Variants in NXPE2 observed in about 807,000 individuals in gnomAD.
NXPE2 encodes the protein neurexophilin and PC-esterase domain family member 2.
Under a neutral mutation model 34.4 loss-of-function variants are expected in NXPE2, and 34 were observed. The observed-to-expected ratio is 0.99, with a 90% CI of 0.75 to 1.31. The LOEUF is 1.31. Among genes scored for constraint, NXPE2 ranks in the 40% most tolerant of loss-of-function variants. The pLI is 0.00. For synonymous variants in NXPE2, 235 were observed against 231.3 expected, an observed-to-expected ratio of 1.02 and a Z score of -0.15; for missense variants, 649 against 672.5, an observed-to-expected ratio of 0.97 and a Z score of 0.39.
intron 4 of NXPE2, among the ~76,000 whole-genome samples, chr11:114,704,866 A>G (rs1451775182): frequency 2.6e-5 from 4 of 152,238 alleles, no homozygotes; most frequent in Non-Finnish European, 5.9e-5. Context: ...TCTTGAGGCA[A>G]TTTGAATGTT....
the NXPE2 span, among the ~76,000 whole-genome samples, chr11:114,602,636 C>T: frequency 3.1e-4 from 43 of 140,366 alleles, no homozygotes; most frequent in Middle Eastern, 0.023. Flanking sequence ...ATTATAGATT[C>T]ATATATAATA....
intron 3 of NXPE2, among the ~76,000 whole-genome samples, chr11:114,699,960 A>G (rs753234518): frequency 6.6e-6 from 1 of 151,968 alleles, no homozygotes; most frequent in Non-Finnish European, 1.5e-5. Flanking sequence ...CACCTGGCTA[A>G]TTTTTGTATC....
At chr11:114,669,815 T>C in the NXPE2 span, among the ~76,000 whole-genome samples, 13 of 152,216 alleles carry the variant, frequency 8.5e-5, no homozygotes, top group Non-Finnish European at 1.5e-4. Context: ...ATAATGGAGA[T>C]ATTGGTTGTA....
At chr11:114,681,651 AT>A (rs922068862) in intron 2 of NXPE2, among the ~76,000 whole-genome samples, 5 of 151,982 alleles carry the variant, frequency 3.3e-5, no homozygotes, top group African/African-American at 1.2e-4. Flanking sequence ...ACTCTGTTTG[AT>A]TTTTTTAACA....
the NXPE2 span, among the ~76,000 whole-genome samples, chr11:114,559,483 C>T: frequency 2.3e-4 from 35 of 152,304 alleles, no homozygotes; most frequent in African/African-American, 6.3e-4. Context: ...GTGACTGTAT[C>T]CATGCTTGCT....
At chr11:114,681,870 TTAG>T (rs966597592) in intron 2 of NXPE2, among the ~76,000 whole-genome samples, 1 of 152,166 alleles carries the variant, frequency 6.6e-6, no homozygotes, top group Non-Finnish European at 1.5e-5. Flanking sequence ...AGGGAACCTA[TTAG>T]TAATATCTTA....
the NXPE2 span, among the ~76,000 whole-genome samples, chr11:114,737,340 G>A: frequency 1.3e-5 from 2 of 152,122 alleles, no homozygotes; most frequent in African/African-American, 4.8e-5. Context: ...CAGAGATTGG[G>A]GTAGAGATGG....
chr11:114,528,992 C>T, the NXPE2 span: 1 of 417,740 alleles, frequency 2.4e-6, no homozygotes, highest in Middle Eastern at 6.2e-4. Flanking sequence ...GAGCCAGGGA[C>T]TATAGATCAG....
At chr11:114,733,038 CTGTT>C in the NXPE2 span, among the ~76,000 whole-genome samples, 2 of 151,878 alleles carry the variant, frequency 1.3e-5, no homozygotes, top group Non-Finnish European at 2.9e-5. Flanking sequence ...TTTTAGTATT[CTGTT>C]TGTTGAATTC....
At chr11:114,715,397 TA>T in the NXPE2 span, among the ~76,000 whole-genome samples, 749 of 152,346 alleles carry the variant, frequency 4.9e-3, 4 homozygotes, top group African/African-American at 0.018. Flanking sequence ...TCTTTATATT[TA>T]AAAAGTTATT....
the NXPE2 span, among the ~76,000 whole-genome samples, chr11:114,811,380 T>A: frequency 6.6e-6 from 1 of 151,894 alleles, no homozygotes; most frequent in Admixed American, 6.6e-5. Flanking sequence ...AGAAATGGCT[T>A]TAAAGACCAC....
chr11:114,642,068 A>G, the NXPE2 span, among the ~76,000 whole-genome samples: 2 of 152,102 alleles, frequency 1.3e-5, no homozygotes, highest in Non-Finnish European at 2.9e-5. Flanking sequence ...CAGCATGGAA[A>G]AGGAGAAAGA....
At chr11:114,527,904 T>TAA in the NXPE2 span, 1 of 1,527,634 alleles carries the variant, frequency 6.5e-7, no homozygotes, top group Non-Finnish European at 8.7e-7. Context: ...CTTTGGACCT[T>TAA]CAAAAAAAAA....
At chr11:114,620,275 C>T in the NXPE2 span, among the ~76,000 whole-genome samples, 27 of 151,648 alleles carry the variant, frequency 1.8e-4, no homozygotes, top group East Asian at 5.9e-4. Context: ...TACGGTTACC[C>T]GGTGGATAAT....
the NXPE2 span, among the ~76,000 whole-genome samples, chr11:114,546,854 A>T: frequency 1.3e-5 from 2 of 152,190 alleles, no homozygotes; most frequent in Non-Finnish European, 2.9e-5. Flanking sequence ...GAACCAATGG[A>T]AAGAGCTCTC....
Position 114,698,714 on chromosome 11 carries a change from C to T in NXPE2, c.802C>T (p.His268Tyr), listed in dbSNP as rs927561088. 2 of 1,612,776 alleles carry T rather than the reference C, an allele frequency of 1.2e-6. No individual in the cohort carries two copies. The highest frequency in any genetic ancestry group is 1.3e-5 in the African/African-American group (1 of 74,884). The change falls in exon 3 of 6, where the codon CAC (histidine) becomes TAC (tyrosine). Residue 268 changes from histidine to tyrosine, a missense_variant. His to Tyr is a moderately conservative substitution (Grantham distance 83). Coordinates refer to ENST00000389586, the MANE Select transcript of NXPE2 (RefSeq NM_182495.6). ...ACATATGCCCTGTGAGGCCTTGACCCACATGACCACTAGGACAAGAAATAT... is the reference window on the plus strand; with the variant it reads ...ACATATGCCCTGTGAGGCCTTGACCTACATGACCACTAGGACAAGAAATAT... ...PQHMPCEALT[H>Y]MTTRTRNISY...
At chr11:114,662,030 C>G in the NXPE2 span, among the ~76,000 whole-genome samples, 3 of 152,218 alleles carry the variant, frequency 2.0e-5, no homozygotes, top group Non-Finnish European at 2.9e-5. Context: ...ACCTACCCCC[C>G]GCAAGGACAC....
the NXPE2 span, among the ~76,000 whole-genome samples, chr11:114,525,605 T>G: frequency 6.6e-6 from 1 of 152,156 alleles, no homozygotes; most frequent in Non-Finnish European, 1.5e-5. Flanking sequence ...TTTGCAAGTT[T>G]TGTAAGTGCC....
the NXPE2 span, among the ~76,000 whole-genome samples, chr11:114,466,269 C>T: frequency 6.6e-6 from 1 of 152,202 alleles, no homozygotes; most frequent in East Asian, 1.9e-4. Context: ...CTGTAACTCT[C>T]TACTCTTCCT....
Sources: allele counts gnomAD v4.1 joint callset (sites outside exome capture counted in the v4.1 genomes callset), GRCh38; gene constraint gnomAD v4.1.1; transcripts MANE v1.5; gene names NCBI Gene and HGNC (gene_info 2026-07-23, HGNC 2026-07-21).